LRMDA: variants seen among roughly 807,000 people sequenced by gnomAD.
LRMDA encodes leucine rich melanocyte differentiation associated.
LRMDA carries 18 observed loss-of-function variants against 29.8 expected under a neutral mutation model. The observed-to-expected ratio is 0.60, with a 90% CI of 0.42 to 0.90. The LOEUF is 0.90. Ranked by LOEUF, LRMDA falls within the 40% of genes least tolerant of loss-of-function variation. The probability of loss-of-function intolerance (pLI) is 0.00; values close to 1 mark genes in which losing one functional copy is unlikely to be tolerated. For synonymous variants in LRMDA, 125 were observed against 109.4 expected (o/e 1.14, Z -0.89); for missense variants, 273 against 273.9 (o/e 1.00, Z 0.02).
At chr10:76,418,876 TTATTA>T (rs1842045653) in intron 6 of LRMDA, among the ~76,000 whole-genome samples, 2 of 152,086 alleles carry the variant, frequency 1.3e-5, no homozygotes, top group South Asian at 2.1e-4. Context: ...CTTTTCTCCT[TTATTA>T]TATTAATGTG....
intron 2 of LRMDA, among the ~76,000 whole-genome samples, chr10:75,847,758 C>A (rs942582667): frequency 6.6e-6 from 1 of 152,116 alleles, no homozygotes; most frequent in African/African-American, 2.4e-5. Flanking sequence ...GATTCAACAT[C>A]ACTAATCATA....
intron 2 of LRMDA, among the ~76,000 whole-genome samples, chr10:75,917,295 T>C (rs1179904778): frequency 6.6e-6 from 1 of 152,176 alleles, no homozygotes; most frequent in Non-Finnish European, 1.5e-5. Context: ...TATTCTGTTT[T>C]TGAAACCCAT....
intron 5 of LRMDA, among the ~76,000 whole-genome samples, chr10:76,097,953 T>G (rs1248534625): frequency 1.3e-5 from 2 of 152,166 alleles, no homozygotes; most frequent in Non-Finnish European, 2.9e-5. Flanking sequence ...ATCTCACATA[T>G]TTATCATTTC....
intron 6 of LRMDA, among the ~76,000 whole-genome samples, chr10:76,349,899 T>C (rs1841154079): frequency 6.6e-6 from 1 of 152,038 alleles, no homozygotes; most frequent in African/African-American, 2.4e-5. Context: ...CAATATGAAC[T>C]ATACTCATAG....
chr10:76,093,345 A>C (rs4993618), intron 5 of LRMDA, among the ~76,000 whole-genome samples: 2 of 146,572 alleles, frequency 1.4e-5, no homozygotes, highest in East Asian at 5.0e-4. Flanking sequence ...GTTATTATAG[A>C]CAAAAAAAAA....
intron 6 of LRMDA, among the ~76,000 whole-genome samples, chr10:76,363,176 A>AGAAAGGAGGGAGGGAGGGAGGGAG (rs1459442138): frequency 4.6e-5 from 1 of 21,750 alleles, no homozygotes; most frequent in Non-Finnish European, 1.2e-4. Flanking sequence ...AAAGAAAGAA[A>AGAAAGGAGGGAGGGAGGGAGGGAG]GGAGGGAGGG....
chr10:75,785,897 C>T (rs1403894456), intron 2 of LRMDA, among the ~76,000 whole-genome samples: 1 of 152,196 alleles, frequency 6.6e-6, no homozygotes, highest in Non-Finnish European at 1.5e-5. Flanking sequence ...ATATCATGGA[C>T]TTAGCCTTAA....
chr10:76,401,784 G>A lies in LRMDA; in HGVS notation c.601+77299G>A, dbSNP rs115514327. ...ACTATGACAGGTTGAGAGAAAGAGA[G>A]GAGAGCATTAGTGAGCTTACAGACA... On this transcript the variant is annotated intron_variant, in intron 6 of 6. Transcript: ENST00000611255. 4.5e-3 allele frequency among the ~76,000 whole-genome samples: 685 copies of A among 152,302 alleles called. 5 individuals are homozygous for A. Among genetic ancestry groups the A allele is most frequent in the African/African-American group, 0.016 (663 of 41,560 alleles).
chr10:76,223,267 A>G (rs1851882849), intron 5 of LRMDA, among the ~76,000 whole-genome samples: 1 of 152,110 alleles, frequency 6.6e-6, no homozygotes, highest in African/African-American at 2.4e-5. Context: ...AAAGTATAAT[A>G]ATAATAATAA....
intron 2 of LRMDA, among the ~76,000 whole-genome samples, chr10:75,707,528 G>A (rs937326789): frequency 3.3e-5 from 5 of 152,206 alleles, no homozygotes; most frequent in African/African-American, 9.7e-5. Flanking sequence ...GATGAAAGCC[G>A]GTGACCGAGG....
chr10:75,561,015 C>T (rs1028019049), intron 2 of LRMDA, among the ~76,000 whole-genome samples: 1 of 150,096 alleles, frequency 6.7e-6, no homozygotes, highest in African/African-American at 2.4e-5. Context: ...TGTGTCTCTG[C>T]CCGGCTTTGG....
chr10:75,669,674 C>T (rs1189639068), intron 2 of LRMDA, among the ~76,000 whole-genome samples: 2 of 152,202 alleles, frequency 1.3e-5, no homozygotes, highest in Non-Finnish European at 2.9e-5. Context: ...GTAACAAAAG[C>T]ATTGCTATCT....
chr10:75,517,515 A>G (rs1845305382), intron 2 of LRMDA, among the ~76,000 whole-genome samples: 3 of 151,864 alleles, frequency 2.0e-5, no homozygotes, highest in Non-Finnish European at 2.9e-5. Context: ...TGTTATTGCT[A>G]TATAGGAATG....
chr10:75,672,505 T>C (rs1841902823), intron 2 of LRMDA, among the ~76,000 whole-genome samples: 1 of 131,760 alleles, frequency 7.6e-6, no homozygotes, highest in Non-Finnish European at 1.6e-5. Flanking sequence ...AGACACTTCC[T>C]TGTATTTTTC....
chr10:76,264,352 A>ACCTCTAC (rs1839978216), intron 5 of LRMDA, among the ~76,000 whole-genome samples: 1 of 129,620 alleles, frequency 7.7e-6, no homozygotes, highest in South Asian at 2.8e-4. Flanking sequence ...GGTTGCAGTG[A>ACCTCTAC]GCTGAGATTG....
At chr10:76,126,672 G>A (rs1293078638) in intron 5 of LRMDA, among the ~76,000 whole-genome samples, 1 of 151,890 alleles carries the variant, frequency 6.6e-6, no homozygotes, top group Non-Finnish European at 1.5e-5. Flanking sequence ...TGTTCTTTTT[G>A]TTGCTCCATG....
At chr10:75,856,584 T>C (rs1844830958) in intron 2 of LRMDA, among the ~76,000 whole-genome samples, 1 of 152,156 alleles carries the variant, frequency 6.6e-6, no homozygotes, top group South Asian at 2.1e-4. Context: ...ACAAACACCA[T>C]ATGATTATCC....
intron 5 of LRMDA, among the ~76,000 whole-genome samples, chr10:76,271,306 G>A (rs1418127547): frequency 6.6e-6 from 1 of 152,098 alleles, no homozygotes; most frequent in African/African-American, 2.4e-5. Context: ...TACTTGGGAG[G>A]CTGAGGTGGG....
intron 5 of LRMDA, among the ~76,000 whole-genome samples, chr10:76,300,024 T>C (rs1044220199): frequency 6.6e-6 from 1 of 152,210 alleles, no homozygotes; most frequent in Non-Finnish European, 1.5e-5. Flanking sequence ...GGGGTAGTCA[T>C]GGCATAATAG....
Sources: gnomAD v4.1 joint callset for allele counts (sites outside exome capture counted in the v4.1 genomes callset) on GRCh38, gnomAD v4.1.1 for gene constraint, MANE v1.5 for transcripts, NCBI Gene and HGNC (gene_info 2026-07-23, HGNC 2026-07-21) for gene names.